CNTN1: variants seen among roughly 807,000 people sequenced by gnomAD.
The protein encoded by CNTN1 is contactin 1.
Under a neutral mutation model 126.4 loss-of-function variants are expected in CNTN1, and 38 were observed. The observed-to-expected ratio is 0.30, with a 90% CI of 0.23 to 0.39. The LOEUF (loss-of-function observed/expected upper bound fraction) is 0.39. Among genes scored for constraint, CNTN1 ranks in the 10% least tolerant of loss-of-function variants. The pLI is 1.00. For missense variants in CNTN1, 1,009 were observed against 1,248.4 expected, an observed-to-expected ratio of 0.81 and a Z score of 2.89; for synonymous variants, 413 against 422.6, an observed-to-expected ratio of 0.98 and a Z score of 0.28.
chr12:40,724,898 G>A (rs1240407637), intron 1 of CNTN1, among the ~76,000 whole-genome samples: 1 of 152,186 alleles, frequency 6.6e-6, no homozygotes, highest in Non-Finnish European at 1.5e-5. Context: ...AAAGAAAATA[G>A]AGATCATTGA....
intron 4 of CNTN1, among the ~76,000 whole-genome samples, chr12:40,919,910 G>T (rs924969743): frequency 6.6e-6 from 1 of 152,064 alleles, no homozygotes; most frequent in Non-Finnish European, 1.5e-5. Flanking sequence ...TATAATGAGA[G>T]CCTATTTGTC....
intron 14 of CNTN1, among the ~76,000 whole-genome samples, chr12:40,947,810 C>CAT (rs1946491481): frequency 1.3e-5 from 2 of 148,860 alleles, no homozygotes; most frequent in South Asian, 2.1e-4. Context: ...CACACACACA[C>CAT]ACACACACAC....
chr12:40,908,187 T>A (rs1176063314), intron 1 of CNTN1, among the ~76,000 whole-genome samples, 170 bp from the exon 2 acceptor site: 1 of 152,198 alleles, frequency 6.6e-6, no homozygotes, highest in African/African-American at 2.4e-5. Flanking sequence ...AAATGAAAAC[T>A]TATTCTACAA....
intron 1 of CNTN1, among the ~76,000 whole-genome samples, chr12:40,780,975 T>C (rs1939776033): frequency 6.6e-6 from 1 of 151,818 alleles, no homozygotes; most frequent in African/African-American, 2.4e-5. Context: ...CAGGCTTTCT[T>C]TTACACTAGA....
At chr12:40,972,379 G>C in intron 15 of CNTN1, 1 of 984,350 alleles carries the variant, frequency 1.0e-6, no homozygotes, top group Non-Finnish European at 1.2e-6. Context: ...TTTGGTCAAA[G>C]AGATGTGCTT....
intron 1 of CNTN1, among the ~76,000 whole-genome samples, chr12:40,783,248 A>T (rs1171945034): frequency 6.6e-6 from 1 of 152,006 alleles, no homozygotes; most frequent in East Asian, 1.9e-4. Flanking sequence ...TGAAAGAATT[A>T]GTATAACAAT....
chr12:40,846,516 A>G (rs1942508403), intron 1 of CNTN1, among the ~76,000 whole-genome samples: 1 of 152,154 alleles, frequency 6.6e-6, no homozygotes, highest in South Asian at 2.1e-4. Context: ...CAGCATTTTC[A>G]TTGCTCCCAT....
chr12:40,860,927 G>C (rs888167910), intron 1 of CNTN1, among the ~76,000 whole-genome samples: 3 of 152,014 alleles, frequency 2.0e-5, no homozygotes, highest in Admixed American at 2.0e-4. Context: ...GGCCCACAAA[G>C]AGTCACCTTA....
intron 1 of CNTN1, among the ~76,000 whole-genome samples, chr12:40,811,827 C>CAAAA (rs71078272): frequency 6.9e-6 from 1 of 145,008 alleles, no homozygotes. Context: ...TTTATCTTTT[C>CAAAA]AAAAAAAAAA....
chr12:40,725,516 T>C (rs1436304268), intron 1 of CNTN1, among the ~76,000 whole-genome samples: 1 of 151,548 alleles, frequency 6.6e-6, no homozygotes, highest in Non-Finnish European at 1.5e-5. Context: ...CAGCCCAGCC[T>C]CTAGCCAGTT....
intron 19 of CNTN1, 134 bp from the exon 20 acceptor site, chr12:41,020,203 G>T: frequency 1.6e-6 from 1 of 610,342 alleles, no homozygotes; most frequent in Non-Finnish European, 2.9e-6. Context: ...CACTTAGTTT[G>T]AAAATAGTAA....
chr12:40,849,268 G>C (rs926931056), intron 1 of CNTN1, among the ~76,000 whole-genome samples: 1 of 152,104 alleles, frequency 6.6e-6, no homozygotes, highest in Non-Finnish European at 1.5e-5. Context: ...TAAAGACCAA[G>C]AAGGTAAATT....
At chr12:40,697,304 G>A (rs562636078) in intron 1 of CNTN1, among the ~76,000 whole-genome samples, 54 of 152,266 alleles carry the variant, frequency 3.5e-4, no homozygotes, top group South Asian at 3.3e-3. Flanking sequence ...CATTTTGATA[G>A]TACAAATTGT....
intron 3 of CNTN1, among the ~76,000 whole-genome samples, chr12:40,915,603 T>A (rs1366035415): frequency 6.6e-6 from 1 of 152,146 alleles, no homozygotes; most frequent in East Asian, 1.9e-4. Flanking sequence ...CTTTCCAATG[T>A]GCTGCTTGTA....
intron 1 of CNTN1, among the ~76,000 whole-genome samples, chr12:40,759,301 G>A (rs1431484906): frequency 6.6e-6 from 1 of 152,142 alleles, no homozygotes; most frequent in East Asian, 1.9e-4. Flanking sequence ...CTGATTGGTT[G>A]ATAGAACTGA....
At chr12:41,043,054 A>G (rs1592450921) in intron 23 of CNTN1, among the ~76,000 whole-genome samples, 1 of 152,160 alleles carries the variant, frequency 6.6e-6, no homozygotes, top group East Asian at 1.9e-4. Context: ...ACCCTAGAAG[A>G]AAACCTAGGC....
chr12:40,799,994 A>G (rs911876613), intron 1 of CNTN1, among the ~76,000 whole-genome samples: 7 of 152,042 alleles, frequency 4.6e-5, no homozygotes, highest in Non-Finnish European at 1.0e-4. Flanking sequence ...GCTTTTAACA[A>G]TTAAATATAC....
At chr12:40,889,237 T>G (rs1282727200) in intron 1 of CNTN1, among the ~76,000 whole-genome samples, 2 of 152,160 alleles carry the variant, frequency 1.3e-5, no homozygotes, top group Admixed American at 1.3e-4. Context: ...TTAACTAGAT[T>G]TTAGCCATAA....
chr12:40,976,221 T>G (rs2137057118), intron 15 of CNTN1, among the ~76,000 whole-genome samples: 1 of 152,212 alleles, frequency 6.6e-6, no homozygotes, highest in African/African-American at 2.4e-5. Flanking sequence ...TTCCCCTAAC[T>G]TCAGATCTTT....
Sources: allele counts gnomAD v4.1 joint callset (sites outside exome capture counted in the v4.1 genomes callset), GRCh38; gene constraint gnomAD v4.1.1; transcripts MANE v1.5; gene names NCBI Gene and HGNC (gene_info 2026-07-23, HGNC 2026-07-21).